The following PDGFRA variants were observed in gnomAD, a reference collection of about 807,000 sequenced individuals.
The protein encoded by PDGFRA is platelet-derived growth factor receptor alpha.
Under a neutral mutation model 121.5 loss-of-function variants are expected in PDGFRA, and 25 were observed. That is an observed-to-expected ratio of 0.21 (90% confidence interval 0.15 to 0.29). PDGFRA has a LOEUF of 0.29. Among genes scored for constraint, PDGFRA ranks in the 10% least tolerant of loss-of-function variants. The probability of loss-of-function intolerance (pLI) is 1.00; values close to 1 mark genes in which losing one functional copy is unlikely to be tolerated. For missense variants in PDGFRA, 1,008 were observed against 1,345.1 expected, an observed-to-expected ratio of 0.75 and a Z score of 3.92; for synonymous variants, 463 against 494.8, an observed-to-expected ratio of 0.94 and a Z score of 0.85.
At chr4:54,282,755 G>A (rs1159189944) in intron 16 of PDGFRA, among the ~76,000 whole-genome samples, 1 of 152,088 alleles carries the variant, frequency 6.6e-6, no homozygotes. Flanking sequence ...CTGACACAAG[G>A]CAGGTCCCTT....
At chr4:54,285,337 G>C (rs1333000031) in intron 16 of PDGFRA, 34 bp from the exon 17 acceptor site, 4 of 849,616 alleles carry the variant, frequency 4.7e-6, no homozygotes, top group Non-Finnish European at 8.3e-6. Context: ...CCTGCTGCCT[G>C]CCAGCACCAA....
chr4:54,285,419 C>A lies in PDGFRA; in HGVS notation c.2372C>A (p.Thr791Asn). 6.3e-7 allele frequency: 1 copy of A among 1,586,416 alleles called. No homozygotes were observed. The highest frequency in any genetic ancestry group is 8.7e-7 in the Non-Finnish European group (1 of 1,154,918). Residue 791 changes from threonine (T) to asparagine (N), a missense_variant, in exon 17 of 23, where the codon ACT becomes AAT. Coordinates refer to ENST00000257290, the MANE Select transcript of PDGFRA (RefSeq NM_006206.6). The part of the protein sequence containing the change: ...LLSDDNSEGL[T>N]LLDLLSFTYQ... The stretch of plus-strand genomic sequence containing the variant: ...TCAGATGATAACTCAGAAGGCCTTA[C>A]TTTATTGGATTTGTTGAGCTTCACC...
intron 1 of PDGFRA, among the ~76,000 whole-genome samples, chr4:54,256,140 T>G (rs547594144): frequency 1.3e-5 from 2 of 152,254 alleles, no homozygotes; most frequent in Admixed American, 1.3e-4. Context: ...CCCAGTACTT[T>G]GGGAGGCCAA....
At chr4:54,246,644 A>G (rs897926376) in intron 1 of PDGFRA, among the ~76,000 whole-genome samples, 2 of 152,112 alleles carry the variant, frequency 1.3e-5, no homozygotes, top group Non-Finnish European at 2.9e-5. Flanking sequence ...CCCTAACATC[A>G]CAATTAAAAG....
At chr4:54,249,734 A>G (rs1178042189) in intron 1 of PDGFRA, among the ~76,000 whole-genome samples, 2 of 152,148 alleles carry the variant, frequency 1.3e-5, no homozygotes, top group Admixed American at 1.3e-4. Flanking sequence ...ATGTATACAT[A>G]TGTAACTAAC....
rs998368712 is a variant in PDGFRA, at chr4:54,250,846, C to T, written c.-12-7911C>T. Among the ~76,000 whole-genome samples, 8 of 152,134 alleles carry T rather than the reference C, an allele frequency of 5.3e-5. No individual in the cohort carries two copies. In the East Asian group the frequency reaches 5.8e-4, roughly 11 times the overall value. The stretch of plus-strand genomic sequence containing the variant: ...TTGGGAGGCTGAGGCAGGCAGATCA[C>T]GTGGGGTCAGGAGTTCAAGACTAGC... On this transcript the variant is annotated intron_variant, in intron 1 of 22. Transcript: ENST00000257290.
At chr4:54,266,098 G>T (rs1038969463) in intron 5 of PDGFRA, among the ~76,000 whole-genome samples, 1 of 152,204 alleles carries the variant, frequency 6.6e-6, no homozygotes, top group Non-Finnish European at 1.5e-5. Flanking sequence ...AATATGAAGT[G>T]ATTTGGTTCT....
intron 5 of PDGFRA, among the ~76,000 whole-genome samples, chr4:54,265,565 C>T (rs28600756): frequency 1.3e-5 from 2 of 151,934 alleles, no homozygotes; most frequent in Non-Finnish European, 2.9e-5. Context: ...TTCAGTGAAC[C>T]GTTATGATGT....
chr4:54,249,622 C>A (rs1284198846), intron 1 of PDGFRA, among the ~76,000 whole-genome samples: 1 of 151,918 alleles, frequency 6.6e-6, no homozygotes, highest in East Asian at 1.9e-4. Flanking sequence ...ACATCACACT[C>A]TGGGGACTGT....
At position 54,289,104 on chromosome 4, in the gene PDGFRA, A is replaced by G. The variant is rs757720616; in HGVS notation, c.2870A>G (p.Gln957Arg). Residue 957 changes from glutamine to arginine, a missense_variant, in exon 21 of 23, where the codon CAA becomes CGA. By Grantham distance (43) the Gln-to-Arg change is conservative (BLOSUM62 1). Transcript: ENST00000257290. ...SEIVENLLPG[Q>R]YKKSYEKIHL... ...ATTGTGGAGAATCTGCTGCCTGGAC[A>G]ATATAAAAAGGTGTGTTTGGATCTG... 3.2e-6 allele frequency: 5 copies of G among 1,581,504 alleles called. No homozygotes were observed. The highest frequency in any genetic ancestry group is 1.3e-5 in the African/African-American group (1 of 74,400).
chr4:54,263,669 C>G lies in PDGFRA; in HGVS notation c.370C>G (p.Pro124Ala). ...CTTCATTCTTTTTTAAACCACAGAC[C>G]CAGATGTAGCCTTTGTACCTCTAGG... Reference protein sequence around the residue: ...GRHIYIYVPDPDVAFVPLGMT... With the variant: ...GRHIYIYVPDADVAFVPLGMT... The change falls in exon 4 of 23, where the codon CCA becomes GCA. Residue 124 changes from proline (P) to alanine (A), a missense_variant and splice_region_variant. Physicochemically the swap from Pro to Ala is conservative, Grantham distance 27. Around this residue, in one of 5 missense-constraint regions of PDGFRA, gnomAD observed 575 missense variants for 701.8 expected, o/e 0.82. Coordinates refer to ENST00000257290, the MANE Select transcript of PDGFRA (RefSeq NM_006206.6). The G allele has an allele frequency of 6.2e-7, 1 of 1,613,612 alleles. No homozygotes were observed. The highest frequency in any genetic ancestry group is 8.5e-7 in the Non-Finnish European group (1 of 1,179,664).
chr4:54,261,445 T>C (rs747437494), intron 3 of PDGFRA, 33 bp downstream of exon 3: 1 of 1,446,842 alleles, frequency 6.9e-7, no homozygotes. Context: ...ACCAAGCTTC[T>C]TCTCTTCCTG....
intron 14 of PDGFRA, 138 bp from the exon 15 acceptor site, chr4:54,278,223 TA>T (rs5858262): frequency 6.6e-4 from 360 of 547,116 alleles, no homozygotes; most frequent in Admixed American, 1.3e-3. Context: ...GGCTCTTTAT[TA>T]AAAAAAAAAA....
chr4:54,237,513 G>C (rs918642056), intron 1 of PDGFRA, among the ~76,000 whole-genome samples: 1 of 152,190 alleles, frequency 6.6e-6, no homozygotes. Context: ...GCTGGCTCTG[G>C]AGGCCTTGTT....
intron 1 of PDGFRA, among the ~76,000 whole-genome samples, chr4:54,229,647 C>A (rs1185463123): frequency 6.6e-6 from 1 of 151,818 alleles, no homozygotes; most frequent in East Asian, 1.9e-4. Flanking sequence ...TTTAAACACA[C>A]ATTTTCCAGA....
In PDGFRA at chr4:54,263,695, A is replaced by G. The variant is rs767496520; in HGVS notation, c.396A>G (p.Gly132=). The G allele has an allele frequency of 6.2e-7, 1 of 1,613,948 alleles. No homozygotes were observed. Among genetic ancestry groups the G allele is most frequent in the Non-Finnish European group, 8.5e-7 (1 of 1,179,854 alleles). Residue 132 remains glycine, a synonymous_variant, in exon 4 of 23, where the codon GGA becomes GGG. Coordinates refer to ENST00000257290, the MANE Select transcript of PDGFRA (RefSeq NM_006206.6). ...PDPDVAFVPL[G]MTDYLVIVED... Reference sequence around the variant, plus strand: ...CAGATGTAGCCTTTGTACCTCTAGGAATGACGGATTATTTAGTCATCGTGG... The same window carrying G: ...CAGATGTAGCCTTTGTACCTCTAGGGATGACGGATTATTTAGTCATCGTGG...
chr4:54,281,921 T>G (rs1724099864), intron 16 of PDGFRA: 1 of 1,154,588 alleles, frequency 8.7e-7, no homozygotes, highest in South Asian at 2.5e-5. Flanking sequence ...TAACAAATTA[T>G]AAGCAAAGTA....
chr4:54,267,969 C>G (rs1043773121), intron 7 of PDGFRA, among the ~76,000 whole-genome samples: 1 of 152,120 alleles, frequency 6.6e-6, no homozygotes, highest in South Asian at 2.1e-4. Context: ...AAAGCTCTGG[C>G]CCCTGGGGAA....
chr4:54,284,564 CAGAGAGAGAG>C lies in PDGFRA; in HGVS notation c.2324-782_2324-773del, dbSNP rs59292448. ...AGAGCAGGAGCAAGTGAGAGAGAGA[CAGAGAGAGAG>C]AGAGAGAGAGAGAGAGAGAGAGAGG... On this transcript the variant is annotated intron_variant, in intron 16 of 22. Coordinates refer to ENST00000257290, the MANE Select transcript of PDGFRA (RefSeq NM_006206.6). Among the ~76,000 whole-genome samples, 3 of 55,954 alleles carry C rather than the reference CAGAGAGAGAG, an allele frequency of 5.4e-5. No individual in the cohort carries two copies. The East Asian group carries it at 2.2e-3, about 42-fold the overall frequency. The allele number at this position is 55,954 out of a possible 152,430, so 36.7% of individuals were successfully genotyped here.
Sources: gnomAD v4.1 joint callset for allele counts (sites outside exome capture counted in the v4.1 genomes callset) on GRCh38, gnomAD v4.1.1 for gene constraint, gnomAD v4.1.1 regional missense constraint, MANE v1.5 for transcripts, NCBI Gene and HGNC (gene_info 2026-07-23, HGNC 2026-07-21) for gene names.